The following MYO3B variants were observed in gnomAD, a reference collection of about 807,000 sequenced individuals.
The protein encoded by MYO3B is myosin-IIIb.
MYO3B carries 156 observed loss-of-function variants against 174.6 expected under a neutral mutation model. That is an observed-to-expected ratio of 0.89 (90% CI 0.78 to 1.02). MYO3B has a LOEUF of 1.02. MYO3B is among the 50% of genes least tolerant of loss of function. The probability of loss-of-function intolerance (pLI) is 0.00; values close to 1 mark genes in which losing one functional copy is unlikely to be tolerated. For missense variants in MYO3B, 1,632 were observed against 1,639.4 expected (o/e 1.00, Z 0.08); for synonymous variants, 563 against 569.1 (o/e 0.99, Z 0.15).
chr2:170,401,980 C>G (rs2094480480), intron 18 of MYO3B, among the ~76,000 whole-genome samples: 1 of 152,068 alleles, frequency 6.6e-6, no homozygotes, highest in South Asian at 2.1e-4. Flanking sequence ...TTTAGGCATT[C>G]TCTTTTAGAA....
At chr2:170,505,901 G>A (rs1687593219) in intron 28 of MYO3B, among the ~76,000 whole-genome samples, 3 of 152,228 alleles carry the variant, frequency 2.0e-5, no homozygotes. Flanking sequence ...TCATCTAATT[G>A]CTTCAGTGCT....
chr2:170,587,412 G>C (rs930379353), intron 32 of MYO3B, among the ~76,000 whole-genome samples: 4 of 152,142 alleles, frequency 2.6e-5, no homozygotes, highest in Non-Finnish European at 5.9e-5. Flanking sequence ...CCAGTAAGAG[G>C]CCACATTGAG....
At chr2:170,624,955 G>T (rs1175498035) in intron 32 of MYO3B, among the ~76,000 whole-genome samples, 17 of 152,164 alleles carry the variant, frequency 1.1e-4, no homozygotes, top group Admixed American at 1.1e-3. Context: ...ATGTGCTGCT[G>T]GATTCGGTTT....
intron 7 of MYO3B, among the ~76,000 whole-genome samples, chr2:170,314,609 A>G (rs1016918424): frequency 3.3e-5 from 5 of 152,200 alleles, no homozygotes; most frequent in Non-Finnish European, 7.3e-5. Context: ...GCAGTTTTTT[A>G]TATTATTGGT....
intron 32 of MYO3B, among the ~76,000 whole-genome samples, chr2:170,616,007 AGT>A (rs879442238): frequency 9.8e-5 from 15 of 152,348 alleles, no homozygotes; most frequent in South Asian, 6.2e-4. Context: ...TTTACAATAT[AGT>A]GTGTGTGTCA....
chr2:170,403,022 A>T, intron 19 of MYO3B, 27 bp downstream of exon 19: 3 of 1,547,998 alleles, frequency 1.9e-6, no homozygotes, highest in Non-Finnish European at 2.6e-6. Context: ...AGGTAACTAA[A>T]CTTGATGGGG....
At chr2:170,585,723 G>A (rs1693460832) in intron 32 of MYO3B, among the ~76,000 whole-genome samples, 1 of 152,052 alleles carries the variant, frequency 6.6e-6, no homozygotes, top group African/African-American at 2.4e-5. Context: ...TAAGGAAATC[G>A]AGTCACAGTT....
At chr2:170,357,270 C>A (rs954300188) in intron 8 of MYO3B, among the ~76,000 whole-genome samples, 1 of 150,232 alleles carries the variant, frequency 6.7e-6, no homozygotes, top group Non-Finnish European at 1.5e-5. Context: ...TCACGCCTTG[C>A]ACTCCAGCCT....
intron 32 of MYO3B, among the ~76,000 whole-genome samples, chr2:170,628,681 C>T (rs1696679467): frequency 6.6e-6 from 1 of 152,134 alleles, no homozygotes; most frequent in South Asian, 2.1e-4. Flanking sequence ...GAACTGTCCT[C>T]TTATATTCTT....
chr2:170,261,327 G>T (rs932817738), intron 7 of MYO3B, among the ~76,000 whole-genome samples: 1 of 152,106 alleles, frequency 6.6e-6, no homozygotes, highest in Non-Finnish European at 1.5e-5. Context: ...GCCCAGCCAA[G>T]AATACATTTT....
chr2:170,299,976 T>C (rs923571151), intron 7 of MYO3B, among the ~76,000 whole-genome samples: 5 of 152,248 alleles, frequency 3.3e-5, no homozygotes, highest in African/African-American at 9.6e-5. Context: ...CCTTGGATAA[T>C]TCTCGATGGT....
chr2:170,649,962 C>T (rs1698876441), intron 32 of MYO3B: 1 of 147,476 alleles, frequency 6.8e-6, no homozygotes, highest in Admixed American at 6.8e-5. Flanking sequence ...ATTTTATGGG[C>T]CTCAGTTTCT....
At chr2:170,307,182 A>G (rs1156294515) in intron 7 of MYO3B, among the ~76,000 whole-genome samples, 1 of 146,504 alleles carries the variant, frequency 6.8e-6, no homozygotes, top group African/African-American at 2.5e-5. Context: ...GTTTGAGGTT[A>G]CAGTAAACTA....
chr2:170,547,729 G>T (rs1690622735), intron 32 of MYO3B, among the ~76,000 whole-genome samples: 1 of 152,178 alleles, frequency 6.6e-6, no homozygotes, highest in African/African-American at 2.4e-5. Context: ...GCACTTGGAT[G>T]TTGTGTCAAT....
At chr2:170,645,363 T>G (rs1266465426) in intron 32 of MYO3B, among the ~76,000 whole-genome samples, 1 of 148,078 alleles carries the variant, frequency 6.8e-6, no homozygotes, top group Non-Finnish European at 1.5e-5. Context: ...TCCCAGCTAC[T>G]CAAGAGACTG....
intron 32 of MYO3B, chr2:170,646,927 G>GTAAC (rs745611960): frequency 3.7e-6 from 5 of 1,359,530 alleles, no homozygotes; most frequent in Non-Finnish European, 4.9e-6. Context: ...CATTACGGAT[G>GTAAC]TAACTTTTAT....
At chr2:170,540,331 A>G (rs1189194349) in intron 30 of MYO3B, among the ~76,000 whole-genome samples, 1 of 152,190 alleles carries the variant, frequency 6.6e-6, no homozygotes, top group Non-Finnish European at 1.5e-5. Flanking sequence ...CTCAAAAAAA[A>G]AAGAACCAAT....
intron 3 of MYO3B, among the ~76,000 whole-genome samples, chr2:170,210,962 A>G (rs571503754): frequency 5.0e-4 from 76 of 152,286 alleles, no homozygotes; most frequent in Middle Eastern, 6.8e-3. Flanking sequence ...CCCATCTCCT[A>G]TTTGGATTAT....
At chr2:170,515,380 C>T (rs1278206626) in intron 29 of MYO3B, among the ~76,000 whole-genome samples, 1 of 152,162 alleles carries the variant, frequency 6.6e-6, no homozygotes, top group African/African-American at 2.4e-5. Context: ...TACCTTAAGA[C>T]TGAGGAAAGT....
Sources: allele counts gnomAD v4.1 joint callset (sites outside exome capture counted in the v4.1 genomes callset), GRCh38; gene constraint gnomAD v4.1.1; transcripts MANE v1.5; gene names NCBI Gene and HGNC (gene_info 2026-07-23, HGNC 2026-07-21).